Variants in VAV3 observed in about 807,000 individuals in gnomAD.
VAV3 encodes the protein vav guanine nucleotide exchange factor 3.
Under a neutral mutation model 131.2 loss-of-function variants are expected in VAV3, and 94 were observed. The observed-to-expected ratio is 0.72, with a 90% CI of 0.61 to 0.85. The LOEUF (loss-of-function observed/expected upper bound fraction) is 0.85, where lower values mean the gene tolerates loss of function less well. Among genes scored for constraint, VAV3 ranks in the 40% least tolerant of loss-of-function variants. The probability of loss-of-function intolerance (pLI) is 0.00; values close to 1 mark genes in which losing one functional copy is unlikely to be tolerated. For missense variants in VAV3, 939 were observed against 1,002.7 expected (o/e 0.94, Z 0.86); for synonymous variants, 349 against 342.0 (o/e 1.02, Z -0.22).
chr1:107,916,579 A>G (rs1193278058), intron 1 of VAV3, among the ~76,000 whole-genome samples: 1 of 152,224 alleles, frequency 6.6e-6, no homozygotes, highest in Non-Finnish European at 1.5e-5. Context: ...CAATTTGTAC[A>G]GGGAAAAAAT....
intron 2 of VAV3, among the ~76,000 whole-genome samples, chr1:107,808,678 TG>T (rs78223483): frequency 0.15 from 22,963 of 152,038 alleles, 2,004 homozygotes; most frequent in East Asian, 0.29. Flanking sequence ...TCTGAAGTGT[TG>T]CCCCAATGAT....
intron 23 of VAV3, 28 bp from the exon 24 acceptor site, chr1:107,602,512 T>A (rs916985316): frequency 5.9e-5 from 89 of 1,514,934 alleles, no homozygotes; most frequent in Non-Finnish European, 7.7e-5. Context: ...CTTATGAATA[T>A]AAATGTGTTT....
intron 2 of VAV3, among the ~76,000 whole-genome samples, chr1:107,869,473 C>T (rs1670155963): frequency 6.6e-6 from 1 of 152,066 alleles, no homozygotes; most frequent in South Asian, 2.1e-4. Context: ...GACCTTGACA[C>T]TCTGTTAAGC....
At chr1:107,762,116 CAAAA>C (rs34560210) in intron 9 of VAV3, among the ~76,000 whole-genome samples, 2 of 107,836 alleles carry the variant, frequency 1.9e-5, no homozygotes, top group African/African-American at 3.7e-5. Flanking sequence ...TGGTGTTCTT[CAAAA>C]AAAAAAAAAA....
At chr1:107,594,586 T>C (rs1245754001) in intron 25 of VAV3, among the ~76,000 whole-genome samples, 1 of 152,146 alleles carries the variant, frequency 6.6e-6, no homozygotes, top group Non-Finnish European at 1.5e-5. Flanking sequence ...CTACTGGCTA[T>C]GCTTTTTTTT....
intron 2 of VAV3, among the ~76,000 whole-genome samples, chr1:107,798,016 C>A (rs992224507): frequency 6.6e-6 from 1 of 152,250 alleles, no homozygotes; most frequent in Non-Finnish European, 1.5e-5. Context: ...TAACACAAGA[C>A]CATAGTTTCA....
chr1:107,683,059 G>A (rs1277457502), intron 19 of VAV3, among the ~76,000 whole-genome samples: 2 of 152,184 alleles, frequency 1.3e-5, no homozygotes, highest in African/African-American at 4.8e-5. Context: ...AAATAGCATG[G>A]ATATAGAATT....
chr1:107,821,901 AG>A (rs1667807812), intron 2 of VAV3, among the ~76,000 whole-genome samples: 1 of 152,220 alleles, frequency 6.6e-6, no homozygotes, highest in Admixed American at 6.5e-5. Context: ...TCTTAGGGGA[AG>A]AAGTACAGGT....
rs74111054 is a variant in VAV3, at chr1:107,589,894, G to T, written c.2350+6318C>A. 5.1e-3 allele frequency among the ~76,000 whole-genome samples: 782 copies of T among 152,258 alleles called. 8 individuals carry two copies. The highest frequency in any genetic ancestry group is 0.018 in the African/African-American group (737 of 41,538). ...ATAAATAGTAGTTAAGGAATTATTAGGATGTTTAAGGAATTATCAGGAATA... is the reference window on the plus strand; with the variant it reads ...ATAAATAGTAGTTAAGGAATTATTATGATGTTTAAGGAATTATCAGGAATA... On this transcript the variant is annotated intron_variant, in intron 25 of 26. Coordinates refer to ENST00000370056, the MANE Select transcript of VAV3 (RefSeq NM_006113.5).
rs971506347 is a variant in VAV3, at chr1:107,965,052, G to A, written c.-183C>T. ...CGGGCGCCGCGCTAGGCTCGGCTCCGGTCCCGGCCCGGGTGCGCCGCGACC... is the reference window on the plus strand; with the variant it reads ...CGGGCGCCGCGCTAGGCTCGGCTCCAGTCCCGGCCCGGGTGCGCCGCGACC... On this transcript the variant is annotated 5_prime_UTR_variant, in exon 1 of 27. Transcript: ENST00000370056. 4.1e-4 allele frequency: 105 copies of A among 257,816 alleles called. No homozygotes were observed. The highest frequency in any genetic ancestry group is 5.6e-4 in the Non-Finnish European group (91 of 163,784). 16.0% of individuals were successfully genotyped at this position (257,816 alleles called of 1,614,324 possible).
intron 25 of VAV3, among the ~76,000 whole-genome samples, chr1:107,580,765 C>CCAGATGTAAGCAATAT (rs1649983798): frequency 6.6e-6 from 1 of 151,926 alleles, no homozygotes; most frequent in Non-Finnish European, 1.5e-5. Flanking sequence ...GGATTTAAAC[C>CCAGATGTAAGCAATAT]CAGATGTAAG....
At chr1:107,804,468 A>G (rs778564901) in intron 2 of VAV3, among the ~76,000 whole-genome samples, 4 of 152,216 alleles carry the variant, frequency 2.6e-5, no homozygotes, top group Non-Finnish European at 5.9e-5. Flanking sequence ...ATAACAAGTC[A>G]TTTTACAGAG....
chr1:107,646,227 C>G (rs1655728161), intron 19 of VAV3, among the ~76,000 whole-genome samples: 1 of 151,934 alleles, frequency 6.6e-6, no homozygotes, highest in Non-Finnish European at 1.5e-5. Flanking sequence ...CAGTCATATT[C>G]CTTAAAAAAT....
chr1:107,575,347 G>A (rs1341852027), intron 25 of VAV3, among the ~76,000 whole-genome samples: 1 of 152,126 alleles, frequency 6.6e-6, no homozygotes, highest in Non-Finnish European at 1.5e-5. Flanking sequence ...CAGGGCTCAG[G>A]CAGCAGAAGT....
At chr1:107,789,421 AGCCTCAGGACT>A (rs1327262417) in intron 2 of VAV3, among the ~76,000 whole-genome samples, 3 of 152,178 alleles carry the variant, frequency 2.0e-5, no homozygotes, top group Non-Finnish European at 2.9e-5. Context: ...CTTTTGTCCC[AGCCTCAGGACT>A]GCTCAAAGAA....
At chr1:107,759,520 C>A (rs765921593) in intron 10 of VAV3, among the ~76,000 whole-genome samples, 1 of 151,986 alleles carries the variant, frequency 6.6e-6, no homozygotes, top group Non-Finnish European at 1.5e-5. Flanking sequence ...TTCTAGACAA[C>A]AAATAAATTT....
chr1:107,632,014 A>G (rs1055812981), intron 20 of VAV3, among the ~76,000 whole-genome samples: 2 of 152,152 alleles, frequency 1.3e-5, no homozygotes, highest in Non-Finnish European at 2.9e-5. Context: ...TGCTGGGTCA[A>G]ATGGTATTTC....
At chr1:107,648,316 A>G (rs901946051) in intron 19 of VAV3, among the ~76,000 whole-genome samples, 7 of 152,060 alleles carry the variant, frequency 4.6e-5, no homozygotes, top group African/African-American at 7.2e-5. Flanking sequence ...TCATGAATCA[A>G]GGATGAAAGA....
intron 2 of VAV3, among the ~76,000 whole-genome samples, chr1:107,804,214 T>C (rs1159012604): frequency 1.3e-5 from 2 of 152,142 alleles, no homozygotes; most frequent in Admixed American, 1.3e-4. Flanking sequence ...GTCTTTTAAT[T>C]GGAGAACTGC....
Sources: gnomAD v4.1 joint callset for allele counts (sites outside exome capture counted in the v4.1 genomes callset) on GRCh38, gnomAD v4.1.1 for gene constraint, MANE v1.5 for transcripts, NCBI Gene and HGNC (gene_info 2026-07-23, HGNC 2026-07-21) for gene names.